Variants in CCDC169 observed in about 807,000 individuals in gnomAD.
CCDC169 encodes coiled-coil domain containing 169.
Under a neutral mutation model 36.0 loss-of-function variants are expected in CCDC169, and 30 were observed. That is an observed-to-expected ratio of 0.83 (90% CI 0.62 to 1.13). CCDC169 has a LOEUF of 1.13. Among genes scored for constraint, CCDC169 ranks in the 50% most tolerant of loss-of-function variants. The probability of loss-of-function intolerance (pLI) is 0.00; values close to 1 mark genes in which losing one functional copy is unlikely to be tolerated. For synonymous variants in CCDC169, 85 were observed against 81.5 expected, an observed-to-expected ratio of 1.04 and a Z score of -0.23; for missense variants, 245 against 245.9, an observed-to-expected ratio of 1.00 and a Z score of 0.03.
intron 4 of CCDC169, chr13:36,274,440 T>C (rs1404808354): frequency 6.6e-6 from 1 of 152,188 alleles, no homozygotes; most frequent in Non-Finnish European, 1.5e-5. Context: ...TTCACTGGAC[T>C]GTTCATAACT....
chr13:36,283,398 G>T, intron 4 of CCDC169, 71 bp downstream of exon 4: 1 of 1,405,092 alleles, frequency 7.1e-7, no homozygotes, highest in Non-Finnish European at 9.7e-7. Flanking sequence ...ACTTCTCTTT[G>T]AAATACGTCT....
At chr13:36,280,363 A>G (rs1281679007) in intron 4 of CCDC169, 1 of 152,220 alleles carries the variant, frequency 6.6e-6, no homozygotes, top group African/African-American at 2.4e-5. Flanking sequence ...GTTGTTTGCC[A>G]TAATACACTC....
chr13:36,270,390 C>T (rs1016829145), intron 4 of CCDC169, among the ~76,000 whole-genome samples: 2 of 152,014 alleles, frequency 1.3e-5, no homozygotes, highest in East Asian at 3.9e-4. Context: ...AAAATACCAA[C>T]ATCATTTTTC....
chr13:36,297,770 C>G lies in CCDC169; in HGVS notation c.-51G>C. ...TCTTTCCCCTCAGCACCTTAGAGCA[C>G]AAGACATTAAGGGCCACCCAGAAGC... On this transcript the variant is annotated 5_prime_UTR_variant, in exon 1 of 8. Coordinates refer to ENST00000239859, the MANE Select transcript of CCDC169 (RefSeq NM_001144981.3). The G allele has an allele frequency of 6.6e-7, 1 of 1,517,154 alleles. No homozygotes were observed. The highest frequency in any genetic ancestry group is 8.9e-7 in the Non-Finnish European group (1 of 1,119,816). 94.0% of individuals were successfully genotyped at this position (1,517,154 alleles called of 1,614,324 possible).
intron 7 of CCDC169, among the ~76,000 whole-genome samples, chr13:36,239,046 C>A (rs1871426347): frequency 6.6e-6 from 1 of 151,920 alleles, no homozygotes; most frequent in Admixed American, 6.6e-5. Context: ...CCTGAAAAAA[C>A]ATGGCAAGAC....
intron 4 of CCDC169, among the ~76,000 whole-genome samples, chr13:36,257,266 A>AGGTCAAAGCAGG (rs1874014112): frequency 6.6e-6 from 1 of 152,224 alleles, no homozygotes; most frequent in Non-Finnish European, 1.5e-5. Flanking sequence ...CCTACAGCAC[A>AGGTCAAAGCAGG]GCTAGAAGGT....
intron 7 of CCDC169, among the ~76,000 whole-genome samples, chr13:36,240,035 T>TA (rs1245439694): frequency 3.3e-5 from 5 of 152,108 alleles, no homozygotes; most frequent in African/African-American, 1.2e-4. Context: ...TCTATGTATG[T>TA]AAAAAAACTT....
At chr13:36,254,275 C>CAATTTT (rs1873554296) in intron 4 of CCDC169, 132 bp from the exon 5 acceptor site, 16 of 365,100 alleles carry the variant, frequency 4.4e-5, no homozygotes, top group Non-Finnish European at 6.5e-5. Flanking sequence ...ATGATATGTA[C>CAATTTT]TTTTTTTTTT....
chr13:36,254,618 T>C (rs1327951883), intron 4 of CCDC169, among the ~76,000 whole-genome samples: 5 of 152,188 alleles, frequency 3.3e-5, no homozygotes, highest in African/African-American at 4.8e-5. Flanking sequence ...ACAATATTTA[T>C]TGAACCCTAA....
At chr13:36,296,984 C>A (rs1403758945) in intron 1 of CCDC169, among the ~76,000 whole-genome samples, 1 of 152,110 alleles carries the variant, frequency 6.6e-6, no homozygotes, top group African/African-American at 2.4e-5. Context: ...CAGAACCTGT[C>A]CTCAGAACGC....
chr13:36,233,149 G>C (rs1395407135), intron 7 of CCDC169, among the ~76,000 whole-genome samples: 1 of 152,168 alleles, frequency 6.6e-6, no homozygotes, highest in African/African-American at 2.4e-5. Flanking sequence ...ATCAGCAAAG[G>C]CTAGGAGATT....
chr13:36,232,790 T>A (rs1224501650), intron 7 of CCDC169, among the ~76,000 whole-genome samples: 1 of 151,440 alleles, frequency 6.6e-6, no homozygotes, highest in Non-Finnish European at 1.5e-5. Flanking sequence ...TCTCAGCTAG[T>A]TGGGAGGCTG....
intron 1 of CCDC169, among the ~76,000 whole-genome samples, chr13:36,296,314 G>A (rs1051658586): frequency 1.3e-5 from 2 of 152,098 alleles, no homozygotes; most frequent in Admixed American, 6.5e-5. Context: ...GGCTGGTCTC[G>A]AACTCCTAAC....
chr13:36,228,053 A>G (rs1329103644), downstream of CCDC169, among the ~76,000 whole-genome samples: 1 of 152,128 alleles, frequency 6.6e-6, no homozygotes, highest in Non-Finnish European at 1.5e-5. Flanking sequence ...ACTACATTTT[A>G]TTTACCCAAT....
At chr13:36,276,214 A>T (rs999774589) in intron 4 of CCDC169, among the ~76,000 whole-genome samples, 12 of 152,342 alleles carry the variant, frequency 7.9e-5, no homozygotes, top group Admixed American at 3.3e-4. Flanking sequence ...AATTCGCTTT[A>T]AGGAAAATCA....
At chr13:36,252,377 T>C (rs906068137) in intron 6 of CCDC169, among the ~76,000 whole-genome samples, 5 of 152,220 alleles carry the variant, frequency 3.3e-5, no homozygotes, top group African/African-American at 7.2e-5. Context: ...TTACCAACAA[T>C]AGAACTGACT....
At position 36,297,676 on chromosome 13, in the gene CCDC169, T is replaced by C. The variant is rs1394743858; in HGVS notation, c.44A>G (p.Asn15Ser). The C allele has an allele frequency of 6.4e-7, 1 of 1,551,268 alleles. No individual in the cohort carries two copies. Among genetic ancestry groups the C allele is most frequent in the Admixed American group, 2.0e-5 (1 of 50,994 alleles). The change falls in exon 1 of 8, where the codon AAC becomes AGC. Residue 15 changes from asparagine to serine, a missense_variant. Coordinates refer to ENST00000239859, the MANE Select transcript of CCDC169 (RefSeq NM_001144981.3). ...RNYNFDGVST[N>S]RLKQQLLEEV... ...TTCCAGCAACTGCTGTTTCAGGCGG[T>C]TGGTGCTCACACCGTCGAAGTTGTA...
At chr13:36,236,310 C>T (rs1871075545) in intron 7 of CCDC169, among the ~76,000 whole-genome samples, 1 of 152,008 alleles carries the variant, frequency 6.6e-6, no homozygotes, top group Admixed American at 6.6e-5. Flanking sequence ...AGTTATAGAT[C>T]AATGAAACAC....
At chr13:36,247,010 G>C (rs1328634) in intron 7 of CCDC169, among the ~76,000 whole-genome samples, 61,647 of 152,046 alleles carry the variant, frequency 0.41, 13,283 homozygotes, top group Non-Finnish European at 0.48. Context: ...CAGCCAGTGA[G>C]TTTATGTTGA....
Sources: allele counts gnomAD v4.1 joint callset (sites outside exome capture counted in the v4.1 genomes callset), GRCh38; gene constraint gnomAD v4.1.1; transcripts MANE v1.5; gene names NCBI Gene and HGNC (gene_info 2026-07-23, HGNC 2026-07-21).